MIPEP: variants seen among roughly 807,000 people sequenced by gnomAD.
MIPEP encodes the protein mitochondrial intermediate peptidase.
A neutral mutation model predicts 90.3 loss-of-function variants in MIPEP; 79 were observed. The observed-to-expected ratio is 0.87, with a 90% confidence interval of 0.73 to 1.05. MIPEP has a LOEUF of 1.05. MIPEP is among the 50% of genes least tolerant of loss of function. MIPEP has a pLI of 0.00. For synonymous variants in MIPEP, 334 were observed against 315.8 expected (o/e 1.06, Z -0.61); for missense variants, 940 against 905.6 (o/e 1.04, Z -0.49).
chr13:23,811,859 A>C (rs1315678366), intron 14 of MIPEP, among the ~76,000 whole-genome samples: 2 of 152,032 alleles, frequency 1.3e-5, no homozygotes, highest in Non-Finnish European at 2.9e-5. Context: ...CTGCCTGACA[A>C]AGTATCTTTA....
At position 23,842,775 on chromosome 13, in the gene MIPEP, T is replaced by C. The variant is rs74886090; in HGVS notation, c.1107-1287A>G. Among the ~76,000 whole-genome samples, 330 of 152,200 alleles carry C rather than the reference T, an allele frequency of 2.2e-3. 2 individuals carry two copies. Among genetic ancestry groups the C allele is most frequent in the African/African-American group, 7.1e-3 (295 of 41,504 alleles). On this transcript the variant is annotated intron_variant, in intron 10 of 18. Coordinates refer to ENST00000382172, the MANE Select transcript of MIPEP (RefSeq NM_005932.4). Reference sequence around the variant, plus strand: ...ATGACTTTACTTGTGGAGTGCAGAGTAGCACCAGGGAAAGCTTCTCGGATA... The same window carrying C: ...ATGACTTTACTTGTGGAGTGCAGAGCAGCACCAGGGAAAGCTTCTCGGATA...
At chr13:23,741,219 C>A (rs1283680929) in intron 18 of MIPEP, among the ~76,000 whole-genome samples, 1 of 151,766 alleles carries the variant, frequency 6.6e-6, no homozygotes, top group Non-Finnish European at 1.5e-5. Context: ...ACACTGTTGG[C>A]GGGGGTATAA....
At chr13:23,811,152 TCA>T (rs1376483962) in intron 14 of MIPEP, among the ~76,000 whole-genome samples, 2 of 152,246 alleles carry the variant, frequency 1.3e-5, no homozygotes, top group Non-Finnish European at 2.9e-5. Flanking sequence ...GTCAAAATGT[TCA>T]CGTTTCTTTA....
intron 14 of MIPEP, among the ~76,000 whole-genome samples, chr13:23,826,821 T>C (rs1185645700): frequency 6.6e-6 from 1 of 152,216 alleles, no homozygotes; most frequent in Non-Finnish European, 1.5e-5. Flanking sequence ...AAACAAAGTT[T>C]GCATTGGTTC....
chr13:23,840,350 TA>T (rs1436646373), intron 11 of MIPEP, among the ~76,000 whole-genome samples: 32 of 152,326 alleles, frequency 2.1e-4, no homozygotes, highest in African/African-American at 7.2e-4. Context: ...GTTAAGCACC[TA>T]CTTGGTGCCA....
At chr13:23,847,850 ATAT>A (rs1331424769) in intron 10 of MIPEP, among the ~76,000 whole-genome samples, 2 of 150,184 alleles carry the variant, frequency 1.3e-5, no homozygotes, top group East Asian at 3.8e-4. Context: ...GTTTGAGATA[ATAT>A]TATCTTATAT....
At chr13:23,881,056 A>T (rs530844433) in intron 3 of MIPEP, among the ~76,000 whole-genome samples, 10 of 152,212 alleles carry the variant, frequency 6.6e-5, no homozygotes, top group African/African-American at 2.4e-4. Context: ...TGGAGCTCTT[A>T]TAAGTGGCTT....
intron 16 of MIPEP, among the ~76,000 whole-genome samples, chr13:23,798,623 T>C (rs183902510): frequency 5.3e-5 from 8 of 152,300 alleles, no homozygotes; most frequent in African/African-American, 1.7e-4. Flanking sequence ...GATTGGATCA[T>C]TGGGGTGGAT....
chr13:23,795,620 T>C (rs1368602496), intron 16 of MIPEP, among the ~76,000 whole-genome samples: 1 of 152,220 alleles, frequency 6.6e-6, no homozygotes, highest in Non-Finnish European at 1.5e-5. Flanking sequence ...AAAATCATTA[T>C]ATACTTGATG....
chr13:23,859,886 T>C (rs1870214561), intron 9 of MIPEP, among the ~76,000 whole-genome samples: 1 of 152,228 alleles, frequency 6.6e-6, no homozygotes, highest in Non-Finnish European at 1.5e-5. Flanking sequence ...TCCATGGTAA[T>C]ACTTATATCA....
chr13:23,846,811 A>G lies in MIPEP; in HGVS notation c.1107-5323T>C, dbSNP rs115239007. Reference sequence around the variant, plus strand: ...TCCCTAAATTTAATCTACAAACAGAAAACTATCACTACCAAATGATGATGA... The same window carrying G: ...TCCCTAAATTTAATCTACAAACAGAGAACTATCACTACCAAATGATGATGA... On this transcript the variant is annotated intron_variant, in intron 10 of 18. Transcript: ENST00000382172. Among the ~76,000 whole-genome samples, 653 of 111,562 alleles carry G rather than the reference A, an allele frequency of 5.9e-3. 2 individuals are homozygous for G. The highest frequency in any genetic ancestry group is 0.021 in the African/African-American group (626 of 29,678). 73.2% of individuals were successfully genotyped at this position (111,562 alleles called of 152,430 possible).
intron 10 of MIPEP, among the ~76,000 whole-genome samples, chr13:23,848,213 A>G (rs554858600): frequency 2.0e-5 from 3 of 152,338 alleles, no homozygotes; most frequent in African/African-American, 7.2e-5. Flanking sequence ...TTCCTGGAGA[A>G]AAGCAGGCAC....
chr13:23,835,284 G>C (rs1868985948), intron 14 of MIPEP, among the ~76,000 whole-genome samples: 1 of 151,716 alleles, frequency 6.6e-6, no homozygotes, highest in South Asian at 2.1e-4. Context: ...GCCTCCCAAA[G>C]TGCTGGGATT....
In MIPEP at chr13:23,889,250, C is replaced by A; in HGVS notation, c.71G>T (p.Arg24Leu). Residue 24 changes from arginine (R) to leucine (L), a missense_variant, in exon 1 of 19, where the codon CGG (arginine) becomes CTG (leucine). Transcript: ENST00000382172. The stretch of plus-strand genomic sequence containing the variant: ...CCGGATCCCGGCTTCGAGGCTTCCC[C>A]GGCCCGCCCGGCGGGGCGGCAGAGC... ...AAALPPRRAGRGSLEAGIRAR... is the reference protein window; with the variant it reads ...AAALPPRRAGLGSLEAGIRAR... 7.2e-7 allele frequency: 1 copy of A among 1,392,628 alleles called. No individual in the cohort carries two copies. Among genetic ancestry groups the A allele is most frequent in the East Asian group, 3.1e-5 (1 of 32,602 alleles). 86.3% of individuals were successfully genotyped at this position (1,392,628 alleles called of 1,614,324 possible). A position where few individuals can be genotyped will look rare whatever the true frequency, so the allele number is the denominator to read the frequency against.
At chr13:23,858,721 G>A (rs2137496357) in intron 10 of MIPEP, 139 bp downstream of exon 10, 1 of 702,856 alleles carries the variant, frequency 1.4e-6, no homozygotes, top group Admixed American at 2.3e-5. Context: ...TACATGAGTG[G>A]AGCAGACCAC....
At chr13:23,859,506 T>A (rs1434097275) in intron 9 of MIPEP, among the ~76,000 whole-genome samples, 1 of 152,204 alleles carries the variant, frequency 6.6e-6, no homozygotes. Flanking sequence ...TGTCCTTCCT[T>A]CTAGGTGTCC....
At chr13:23,746,769 T>G (rs1952388723) in intron 18 of MIPEP, among the ~76,000 whole-genome samples, 1 of 152,142 alleles carries the variant, frequency 6.6e-6, no homozygotes, top group South Asian at 2.1e-4. Context: ...TAGAAGGTAG[T>G]ATACACTGAC....
chr13:23,779,039 T>C (rs1952747398), intron 16 of MIPEP, among the ~76,000 whole-genome samples: 1 of 152,218 alleles, frequency 6.6e-6, no homozygotes, highest in Admixed American at 6.5e-5. Context: ...TTAATTTGAA[T>C]ATGCCCACTC....
intron 11 of MIPEP, among the ~76,000 whole-genome samples, chr13:23,840,766 C>T (rs896875155): frequency 3.9e-5 from 6 of 152,172 alleles, no homozygotes; most frequent in Non-Finnish European, 8.8e-5. Context: ...GCCTTAGTGA[C>T]ACACACAGGT....
Sources: allele counts gnomAD v4.1 joint callset (sites outside exome capture counted in the v4.1 genomes callset), GRCh38; gene constraint gnomAD v4.1.1; transcripts MANE v1.5; gene names NCBI Gene and HGNC (gene_info 2026-07-23, HGNC 2026-07-21).